Variants in PECAM1 observed in about 807,000 individuals in gnomAD.
PECAM1 encodes platelet and endothelial cell adhesion molecule 1.
A neutral mutation model predicts 13.8 loss-of-function variants in PECAM1; 8 were observed. The observed-to-expected ratio is 0.58, with a 90% confidence interval of 0.34 to 1.05. The LOEUF (loss-of-function observed/expected upper bound fraction) is 1.05. Among genes scored for constraint, PECAM1 ranks in the 50% least tolerant of loss-of-function variants. The pLI is 0.03. For missense variants in PECAM1, 304 were observed against 141.2 expected (o/e 2.15, Z -5.84); for synonymous variants, 136 against 52.6 (o/e 2.58, Z -6.86).
intron 6 of PECAM1, among the ~76,000 whole-genome samples, chr17:64,361,753 C>CAAAAAAAAA (rs61144320): frequency 5.9e-5 from 4 of 68,108 alleles, no homozygotes; most frequent in South Asian, 1.6e-3. Flanking sequence ...AACTCCATCT[C>CAAAAAAAAA]AAAAAAAAAA....
chr17:64,382,509 TC>T (rs1233810720), intron 2 of PECAM1, among the ~76,000 whole-genome samples: 2 of 152,182 alleles, frequency 1.3e-5, no homozygotes, highest in Non-Finnish European at 2.9e-5. Context: ...GCTAGATTCT[TC>T]CAGTTACAGA....
intron 11 of PECAM1, among the ~76,000 whole-genome samples, chr17:64,351,429 A>G (rs1015491484): frequency 2.0e-5 from 3 of 152,212 alleles, no homozygotes; most frequent in Non-Finnish European, 4.4e-5. Context: ...ACCTGCTGAT[A>G]AAGCAAGAAA....
At chr17:64,362,143 A>G (rs1213600658) in intron 6 of PECAM1, among the ~76,000 whole-genome samples, 2 of 152,230 alleles carry the variant, frequency 1.3e-5, no homozygotes, top group Admixed American at 1.3e-4. Context: ...TCCAGAGACC[A>G]ACAGCATCCA....
At chr17:64,384,845 A>G (rs1410563764) in intron 2 of PECAM1, among the ~76,000 whole-genome samples, 1 of 152,240 alleles carries the variant, frequency 6.6e-6, no homozygotes, top group Non-Finnish European at 1.5e-5. Flanking sequence ...TAGGTAACAA[A>G]TATACCACGC....
At chr17:64,350,018 A>G (rs2035679042) in intron 12 of PECAM1, among the ~76,000 whole-genome samples, 1 of 152,250 alleles carries the variant, frequency 6.6e-6, no homozygotes, top group Admixed American at 6.5e-5. Context: ...CCAATCCCTC[A>G]GTGCTTCAGG....
chr17:64,383,625 C>T (rs932582457), intron 2 of PECAM1, among the ~76,000 whole-genome samples: 16 of 152,202 alleles, frequency 1.1e-4, no homozygotes, highest in Admixed American at 9.8e-4. Flanking sequence ...CTGGGCCTTC[C>T]AGCCTCAGCA....
In PECAM1 at chr17:64,341,839, C is replaced by T. The variant is rs878993164; in HGVS notation, c.2108-149G>A. On this transcript the variant is annotated intron_variant, in intron 13 of 15. Transcript: ENST00000563924. ...AACCAGGTCCAGAAGCACCCAGAGA[C>T]CTTGTCATTTCTGATGTTAGAAGAT... The T allele has an allele frequency of 2.7e-4, 109 of 396,708 alleles. No homozygotes were observed. In the East Asian group the frequency reaches 3.9e-3, roughly 14 times the overall value. 24.6% of individuals were successfully genotyped at this position (396,708 alleles called of 1,614,324 possible).
intron 14 of PECAM1, among the ~76,000 whole-genome samples, chr17:64,335,951 G>A (rs1301304241): frequency 6.6e-6 from 1 of 152,126 alleles, no homozygotes; most frequent in Non-Finnish European, 1.5e-5. Context: ...ATCTGGGGAT[G>A]GTTATGATGA....
intron 3 of PECAM1, 45 bp from the exon 4 acceptor site, chr17:64,375,401 G>A (rs2036334122): frequency 4.7e-6 from 2 of 425,270 alleles, no homozygotes; most frequent in African/African-American, 2.0e-5. Context: ...TGATTGAAGA[G>A]AAAGTCTGTC....
intron 13 of PECAM1, among the ~76,000 whole-genome samples, chr17:64,343,024 G>A (rs2035473854): frequency 6.6e-6 from 1 of 152,132 alleles, no homozygotes; most frequent in East Asian, 1.9e-4. Flanking sequence ...CCACTTCCCA[G>A]CTCCTGTCAC....
chr17:64,322,088 G>A lies in PECAM1; in HGVS notation c.*1728C>T, dbSNP rs1448773483. 30 of 1,121,122 alleles carry A rather than the reference G, an allele frequency of 2.7e-5. No individual in the cohort carries two copies. Among genetic ancestry groups the A allele is most frequent in the Middle Eastern group, 5.4e-4 (2 of 3,678 alleles). 69.4% of individuals were successfully genotyped at this position (1,121,122 alleles called of 1,614,324 possible). On this transcript the variant is annotated 3_prime_UTR_variant, in exon 16 of 16. Transcript: ENST00000563924. ...TTCATCATATTGTCAAAAGAGTCTA[G>A]GCTGGGCATGGTGGCTCACGCCTGC...
intron 14 of PECAM1, among the ~76,000 whole-genome samples, chr17:64,333,059 A>G (rs1270145356): frequency 1.3e-5 from 2 of 152,216 alleles, no homozygotes; most frequent in South Asian, 2.1e-4. Context: ...AGCCTGAGGC[A>G]TGAGAATCAC....
In PECAM1 at chr17:64,321,404, C is replaced by G. The variant is rs1476965106; in HGVS notation, c.*2412G>C. On this transcript the variant is annotated 3_prime_UTR_variant, in exon 16 of 16. Transcript: ENST00000563924. ...CCATTAAATCCACTAAGAAAGATCC[C>G]TGCGCATGAAGTTTCCTCCTCGGAA... 25 of 984,234 alleles carry G rather than the reference C, an allele frequency of 2.5e-5. No individual in the cohort carries two copies. Among genetic ancestry groups the G allele is most frequent in the Non-Finnish European group, 3.0e-5 (25 of 828,602 alleles). 61.0% of individuals were successfully genotyped at this position (984,234 alleles called of 1,614,324 possible). A position where few individuals can be genotyped will look rare whatever the true frequency, so the allele number is the denominator to read the frequency against.
At chr17:64,387,660 G>A (rs2036627255) in intron 2 of PECAM1, among the ~76,000 whole-genome samples, 1 of 152,186 alleles carries the variant, frequency 6.6e-6, no homozygotes, top group Admixed American at 6.5e-5. Context: ...GAGGCCGGGA[G>A]GGAAACCGAG....
At chr17:64,376,680 T>C (rs979602518) in intron 3 of PECAM1, among the ~76,000 whole-genome samples, 7 of 151,896 alleles carry the variant, frequency 4.6e-5, no homozygotes, top group Non-Finnish European at 1.0e-4. Flanking sequence ...CTGAGTGAAA[T>C]AGAATATTTG....
At chr17:64,354,381 G>A (rs2035802521) in intron 9 of PECAM1, among the ~76,000 whole-genome samples, 1 of 152,056 alleles carries the variant, frequency 6.6e-6, no homozygotes, top group Non-Finnish European at 1.5e-5. Context: ...CAAAAACCAG[G>A]GCCCCTCCTC....
chr17:64,331,147 C>T (rs1031243387), intron 14 of PECAM1, among the ~76,000 whole-genome samples: 3 of 151,906 alleles, frequency 2.0e-5, no homozygotes, highest in African/African-American at 7.3e-5. Flanking sequence ...GCAACTGTTT[C>T]CCCTTCCCCT....
chr17:64,344,816 A>AT (rs2035523497), intron 13 of PECAM1, among the ~76,000 whole-genome samples: 1 of 152,028 alleles, frequency 6.6e-6, no homozygotes, highest in African/African-American at 2.4e-5. Context: ...CTCAAATTGA[A>AT]TTCCCAAAAA....
Position 64,360,417 on chromosome 17 carries a change from T to C in PECAM1, c.1217-2A>G, listed in dbSNP as rs2035946171. On this transcript the variant is annotated splice_acceptor_variant, in intron 6 of 15. Coordinates refer to ENST00000563924, the MANE Select transcript of PECAM1 (RefSeq NM_000442.5). LOFTEE classifies it high-confidence loss of function. The stretch of plus-strand genomic sequence containing the variant: ...AAATCCTGGGCTGGGAGAGCATTTC[T>C]AGAACAGAGGGAGAAACAATCCAAA... 6.3e-6 allele frequency: 3 copies of C among 475,154 alleles called. No individual in the cohort carries two copies. Among genetic ancestry groups the C allele is most frequent in the Non-Finnish European group, 1.2e-5 (3 of 258,972 alleles). The allele number at this position is 475,154 out of a possible 1,614,324, so 29.4% of individuals were successfully genotyped here.
Sources: allele counts gnomAD v4.1 joint callset (sites outside exome capture counted in the v4.1 genomes callset), GRCh38; gene constraint gnomAD v4.1.1; transcripts MANE v1.5; gene names NCBI Gene and HGNC (gene_info 2026-07-23, HGNC 2026-07-21).